The following DELE1 variants were observed in gnomAD, a reference collection of about 807,000 sequenced individuals.
DELE1 encodes DAP3 binding cell death enhancer 1, also known as death ligand signal enhancer.
In DELE1, 54 loss-of-function variants were observed where a neutral mutation model predicts 59.3. That is an observed-to-expected ratio of 0.91 (90% CI 0.73 to 1.14). DELE1 has a LOEUF of 1.14. Among genes scored for constraint, DELE1 ranks in the 50% most tolerant of loss-of-function variants. The pLI, the probability that DELE1 is intolerant of heterozygous loss-of-function variation, is 0.00. For synonymous variants in DELE1, 264 were observed against 259.1 expected, an observed-to-expected ratio of 1.02 and a Z score of -0.18; for missense variants, 636 against 643.9, an observed-to-expected ratio of 0.99 and a Z score of 0.13.
chr5:141,926,015 G>A (rs1023151748), intron 3 of DELE1, among the ~76,000 whole-genome samples: 1 of 152,024 alleles, frequency 6.6e-6, no homozygotes, highest in African/African-American at 2.4e-5. Context: ...AAGTAGCTGG[G>A]ATTACAGGCA....
intron 11 of DELE1, among the ~76,000 whole-genome samples, chr5:141,937,850 G>A (rs1395282333): frequency 1.4e-5 from 2 of 144,988 alleles, no homozygotes; most frequent in Non-Finnish European, 3.0e-5. Context: ...TTGAGATGAT[G>A]TTTCACTCTC....
rs141268714 is a variant in DELE1 at position 141,925,434 on chromosome 5, G to T, written c.171G>T (p.Thr57=). The T allele has an allele frequency of 7.8e-5, 125 of 1,596,660 alleles. No individual in the cohort carries two copies. In the African/African-American group the frequency reaches 1.6e-3, roughly 20 times the overall value. The stretch of plus-strand genomic sequence containing the variant: ...GGTCAGGTCCCCATGGCCCAGGCAC[G>T]AGCGGGGGTCCAAGGTCCCATGGAT... ...LDRSGPHGPG[T]SGGPRSHGWK... The change falls in exon 3 of 12, where the codon ACG becomes ACT. Residue 57 remains threonine (T), a synonymous_variant. Coordinates refer to ENST00000432126, the MANE Select transcript of DELE1 (RefSeq NM_014773.5).
At chr5:141,924,227 T>G (rs1751180224) in intron 1 of DELE1, among the ~76,000 whole-genome samples, 2 of 152,200 alleles carry the variant, frequency 1.3e-5, no homozygotes, top group Admixed American at 6.5e-5. Context: ...GATGGTGGAC[T>G]GAATGAATGA....
rs1217673040 is a variant in DELE1, at chr5:141,933,299, T to G, written c.795T>G (p.Phe265Leu). Residue 265 changes from phenylalanine (F) to leucine (L), a missense_variant, in exon 8 of 12, where the codon TTT becomes TTG. Physicochemically the swap from Phe to Leu is conservative, Grantham distance 22. Coordinates refer to ENST00000432126, the MANE Select transcript of DELE1 (RefSeq NM_014773.5). ...AGAGTGGCGACCACACGGCAGCCTT[T>G]TCTTACTTCCAGAAAGCTGCAGCCC... is the stretch of plus-strand genomic sequence containing the variant. ...NMKSGDHTAAFSYFQKAAARG... is the reference protein window; with the variant it reads ...NMKSGDHTAALSYFQKAAARG... 1 of 1,570,106 alleles carries G rather than the reference T, an allele frequency of 6.4e-7. No homozygotes were observed. The highest frequency in any genetic ancestry group is 1.7e-5 in the Admixed American group (1 of 58,682).
At chr5:141,930,423 C>G in intron 7 of DELE1, 149 bp downstream of exon 7, 2 of 627,816 alleles carry the variant, frequency 3.2e-6, no homozygotes, top group Non-Finnish European at 5.6e-6. Flanking sequence ...TGGCAGGGAC[C>G]CATTCTTATG....
chr5:141,925,515 T>C lies in DELE1; in HGVS notation c.252T>C (p.Asp84=), dbSNP rs745806362. 6.3e-7 allele frequency: 1 copy of C among 1,587,682 alleles called. No individual in the cohort carries two copies. The highest frequency in any genetic ancestry group is 8.6e-7 in the Non-Finnish European group (1 of 1,166,370). Residue 84 remains aspartate (D), a synonymous_variant, in exon 3 of 12, where the codon GAT becomes GAC. Coordinates refer to ENST00000432126, the MANE Select transcript of DELE1 (RefSeq NM_014773.5). ...SSRVSPNTLW[D]AISWGTLAVL... ...GTGTCTCCCCGAACACCCTATGGGA[T>C]GCCATATCTTGGGTAAGGCTTCCCC...
At position 141,940,996 on chromosome 5, in the gene DELE1, T is replaced by A; in HGVS notation, c.*2237T>A. The A allele has an allele frequency of 1.0e-6, 1 of 984,386 alleles. No homozygotes were observed. The highest frequency in any genetic ancestry group is 1.7e-5 in the African/African-American group (1 of 57,342). The allele number at this position is 984,386 out of a possible 1,614,324, so 61.0% of individuals were successfully genotyped here. A position where few individuals can be genotyped will look rare whatever the true frequency, so the allele number is the denominator to read the frequency against. On this transcript the variant is annotated 3_prime_UTR_variant, in exon 12 of 12. Coordinates refer to ENST00000432126, the MANE Select transcript of DELE1 (RefSeq NM_014773.5). The stretch of plus-strand genomic sequence containing the variant: ...AGAAGTCCTCCAGTAAAGAACTTGG[T>A]TAACCCAATGTTTTCTCTCACTGAA...
chr5:141,940,143 G>T lies in DELE1; in HGVS notation c.*1384G>T. 2.0e-6 allele frequency: 2 copies of T among 985,430 alleles called. No homozygotes were observed. Among genetic ancestry groups the T allele is most frequent in the Non-Finnish European group, 2.4e-6 (2 of 829,932 alleles). The allele number at this position is 985,430 out of a possible 1,614,324, so 61.0% of individuals were successfully genotyped here. ...TAGGTGTTTAATAAAACAGATATTG[G>T]ATTATCTCATCACTCTTGCCCTTGA... is the stretch of plus-strand genomic sequence containing the variant. On this transcript the variant is annotated 3_prime_UTR_variant, in exon 12 of 12. Transcript: ENST00000432126.
In DELE1 at chr5:141,938,835, T is replaced by C; in HGVS notation, c.*76T>C. The C allele has an allele frequency of 6.6e-7, 1 of 1,509,824 alleles. No individual in the cohort carries two copies. Among genetic ancestry groups the C allele is most frequent in the South Asian group, 1.3e-5 (1 of 76,380 alleles). 93.5% of individuals were successfully genotyped at this position (1,509,824 alleles called of 1,614,324 possible). The stretch of plus-strand genomic sequence containing the variant: ...GAGGTTGGATAACAAAAATAGAGCA[T>C]CAGCAACCCTTTCCAGGTAGAAATT... On this transcript the variant is annotated 3_prime_UTR_variant, in exon 12 of 12. Coordinates refer to ENST00000432126, the MANE Select transcript of DELE1 (RefSeq NM_014773.5).
intron 10 of DELE1, among the ~76,000 whole-genome samples, chr5:141,935,506 GCTTC>G (rs1187088626): frequency 1.3e-5 from 2 of 152,204 alleles, no homozygotes; most frequent in Admixed American, 6.5e-5. Flanking sequence ...GGGGACTGCT[GCTTC>G]CTTTGTTTTC....
intron 3 of DELE1, among the ~76,000 whole-genome samples, chr5:141,925,923 A>G (rs1751368752): frequency 6.6e-6 from 1 of 152,054 alleles, no homozygotes; most frequent in Admixed American, 6.6e-5. Flanking sequence ...TCTGTCGCCC[A>G]GGCTGAAGTG....
rs1349486876 is a variant in DELE1, at chr5:141,934,233, G to C, written c.898-7G>C. On this transcript the variant is annotated splice_polypyrimidine_tract_variant and splice_region_variant and intron_variant, in intron 8 of 11. Transcript: ENST00000432126. ...CAGCCGACTGGGTGTTTCTCCCTTT[G>C]CCCCAGGCGGTCCTTTATTATCAGT... is the stretch of plus-strand genomic sequence containing the variant. 5 of 1,599,912 alleles carry C rather than the reference G, an allele frequency of 3.1e-6. No individual in the cohort carries two copies. The East Asian group carries it at 1.1e-4, about 36-fold the overall frequency.
Position 141,939,511 on chromosome 5 carries a change from A to G in DELE1, c.*752A>G, listed in dbSNP as rs1197255959. 2.0e-6 allele frequency: 2 copies of G among 985,700 alleles called. No individual in the cohort carries two copies. Among genetic ancestry groups the G allele is most frequent in the East Asian group, 2.3e-4 (2 of 8,814 alleles). The allele number at this position is 985,700 out of a possible 1,614,324, so 61.1% of individuals were successfully genotyped here. ...TTTCACCTTTGATTTGGAAGGAAGAAGTTTCTTGCCCAAATGCCTGGATGT... is the reference window on the plus strand; with the variant it reads ...TTTCACCTTTGATTTGGAAGGAAGAGGTTTCTTGCCCAAATGCCTGGATGT... On this transcript the variant is annotated 3_prime_UTR_variant, in exon 12 of 12. Transcript: ENST00000432126.
rs1752683810 is a variant in DELE1 at position 141,940,614 on chromosome 5, C to T, written c.*1855C>T. 3 of 985,844 alleles carry T rather than the reference C, an allele frequency of 3.0e-6. No homozygotes were observed. The highest frequency in any genetic ancestry group is 9.4e-5 in the South Asian group (2 of 21,302). The allele number at this position is 985,844 out of a possible 1,614,324, so 61.1% of individuals were successfully genotyped here. A position where few individuals can be genotyped will look rare whatever the true frequency, so the allele number is the denominator to read the frequency against. ...TAGCACCTCTCTTTCACCCGGGGAG[C>T]CCAAGCGTCCTCTAGCTCCATCTCC... On this transcript the variant is annotated 3_prime_UTR_variant, in exon 12 of 12. Coordinates refer to ENST00000432126, the MANE Select transcript of DELE1 (RefSeq NM_014773.5).
At chr5:141,930,459 C>T (rs1306621537) in intron 7 of DELE1, among the ~76,000 whole-genome samples, 185 bp downstream of exon 7, 1 of 152,230 alleles carries the variant, frequency 6.6e-6, no homozygotes, top group Non-Finnish European at 1.5e-5. Context: ...ATTTTTAAAA[C>T]TGGCTCCCAT....
chr5:141,932,600 C>T lies in DELE1; in HGVS notation c.755-659C>T, dbSNP rs1752000282. ...ACAAGGGCTGTTTTCTCTCCTTGTC[C>T]CAACCAGATCAAGGTTCAGATTCCT... On this transcript the variant is annotated intron_variant, in intron 7 of 11. Transcript: ENST00000432126. 3.9e-5 allele frequency among the ~76,000 whole-genome samples: 6 copies of T among 152,220 alleles called. 1 individual carries two copies. The South Asian group carries it at 1.2e-3, about 32-fold the overall frequency.
At chr5:141,926,517 G>T (rs146600457) in intron 3 of DELE1, among the ~76,000 whole-genome samples, 1 of 152,230 alleles carries the variant, frequency 6.6e-6, no homozygotes, top group African/African-American at 2.4e-5. Context: ...CAATGTTCCA[G>T]GTGGAAGTTC....
Position 141,930,180 on chromosome 5 carries a change from A to G in DELE1, c.660A>G (p.Glu220=), listed in dbSNP as rs1375552914. The G allele has an allele frequency of 1.2e-6, 2 of 1,612,876 alleles. No homozygotes were observed. Among genetic ancestry groups the G allele is most frequent in the Non-Finnish European group, 8.5e-7 (1 of 1,179,092 alleles). The change falls in exon 7 of 12, where the codon GAA becomes GAG. Residue 220 remains glutamate, a splice_region_variant and synonymous_variant. Transcript: ENST00000432126. ...AGTCTTTTATATTTCTTTCCCAGGA[A>G]CAAGATAAATCAAAAACTCTTTCCC... The part of the protein sequence containing the change: ...PAQPQPTGEK[E]QDKSKTLSLE...
At chr5:141,934,874 C>T in intron 10 of DELE1, 1 of 432,144 alleles carries the variant, frequency 2.3e-6, no homozygotes, top group East Asian at 4.3e-5. Flanking sequence ...GGGCTTTTTC[C>T]CTCCTCGAGA....
Sources: gnomAD v4.1 joint callset for allele counts (sites outside exome capture counted in the v4.1 genomes callset) on GRCh38, gnomAD v4.1.1 for gene constraint, MANE v1.5 for transcripts, NCBI Gene and HGNC (gene_info 2026-07-23, HGNC 2026-07-21) for gene names.